Variants in EFHB observed in about 807,000 individuals in gnomAD.
EFHB encodes EF-hand domain family member B.
EFHB carries 91 observed loss-of-function variants against 87.2 expected under a neutral mutation model. The observed-to-expected ratio is 1.04, with a 90% CI of 0.88 to 1.24. The LOEUF (loss-of-function observed/expected upper bound fraction) is 1.24, where lower values mean the gene tolerates loss of function less well. EFHB is among the 50% of genes most tolerant of loss of function. EFHB has a pLI of 0.00. For missense variants in EFHB, 1,084 were observed against 998.8 expected (o/e 1.09, Z -1.15); for synonymous variants, 325 against 333.6 (o/e 0.97, Z 0.28).
chr3:19,884,140 GT>G (rs1255208280), intron 11 of EFHB, among the ~76,000 whole-genome samples: 49 of 152,150 alleles, frequency 3.2e-4, no homozygotes, highest in Non-Finnish European at 5.6e-4. Context: ...TTACTACAAT[GT>G]ATAACATTCA....
At chr3:19,908,562 AAGAGAGAGAG>A (rs71624361) in intron 5 of EFHB, among the ~76,000 whole-genome samples, 1,421 of 83,766 alleles carry the variant, frequency 0.017, 21 homozygotes, top group Non-Finnish European at 0.019. Context: ...GAAAGAGAGA[AAGAGAGAGAG>A]AGAGAGAGAG....
intron 1 of EFHB, among the ~76,000 whole-genome samples, chr3:19,926,339 T>TC (rs1695623861): frequency 4.1e-5 from 1 of 24,650 alleles, no homozygotes; most frequent in Non-Finnish European, 1.1e-4. Context: ...TTTTTGGGGT[T>TC]TTTTTTGTTT....
intron 4 of EFHB, 36 bp downstream of exon 4, chr3:19,918,196 C>A: frequency 6.6e-7 from 1 of 1,512,574 alleles, no homozygotes. Context: ...CTTATTTTAC[C>A]AGCCCCTTCC....
chr3:19,886,676 CAAAAAAAA>C (rs4020648), intron 10 of EFHB, among the ~76,000 whole-genome samples: 2 of 61,230 alleles, frequency 3.3e-5, no homozygotes, highest in Non-Finnish European at 5.7e-5. Flanking sequence ...GACACTGTCT[CAAAAAAAA>C]AAAAAAAAAA....
intron 2 of EFHB, 137 bp from the exon 3 acceptor site, chr3:19,920,113 G>A: frequency 1.2e-6 from 1 of 864,728 alleles, no homozygotes; most frequent in Non-Finnish European, 1.7e-6. Context: ...CCCAAATAAT[G>A]AACATCCCCC....
Position 19,934,206 on chromosome 3 carries a change from A to G in EFHB, c.-188T>C, listed in dbSNP as rs1312561340. The G allele has an allele frequency of 1.7e-5, 24 of 1,437,538 alleles. No individual in the cohort carries two copies. Among genetic ancestry groups the G allele is most frequent in the Non-Finnish European group, 2.2e-5 (24 of 1,103,594 alleles). The allele number at this position is 1,437,538 out of a possible 1,614,324, so 89.0% of individuals were successfully genotyped here. A position where few individuals can be genotyped will look rare whatever the true frequency, so the allele number is the denominator to read the frequency against. ...ACACCTAGCCGAGTTCACAGAGGAA[A>G]AGATGGAGTCTGTTTATCAGGTTAC... On this transcript the variant is annotated 5_prime_UTR_variant, in exon 1 of 13. Coordinates refer to ENST00000295824, the MANE Select transcript of EFHB (RefSeq NM_144715.4).
At chr3:19,890,344 C>T (rs1028118221) in intron 9 of EFHB, among the ~76,000 whole-genome samples, 2 of 152,146 alleles carry the variant, frequency 1.3e-5, no homozygotes, top group African/African-American at 4.8e-5. Flanking sequence ...GGCTCCAGGT[C>T]TTCAAGAGGG....
rs957246746 is a variant in EFHB at position 19,902,952 on chromosome 3, G to A, written c.1418+2668C>T. On this transcript the variant is annotated intron_variant, in intron 6 of 12. Transcript: ENST00000295824. ...AGCACTTTGGGAGGCTGAGGCGGGC[G>A]GATCACCTGAGGTCATGAGTTCAAG... 7.2e-5 allele frequency among the ~76,000 whole-genome samples: 11 copies of A among 151,904 alleles called. No individual in the cohort carries two copies. The South Asian group carries it at 1.0e-3, about 14-fold the overall frequency.
At chr3:19,935,538 C>G (rs1695991839), upstream of EFHB, among the ~76,000 whole-genome samples, 1 of 151,732 alleles carries the variant, frequency 6.6e-6, no homozygotes, top group Non-Finnish European at 1.5e-5. Flanking sequence ...ATCGCGAAAC[C>G]CTGTCTCTAC....
At chr3:19,912,430 C>T (rs926111616) in intron 5 of EFHB, among the ~76,000 whole-genome samples, 18 of 152,012 alleles carry the variant, frequency 1.2e-4, no homozygotes, top group African/African-American at 4.1e-4. Flanking sequence ...TCATAAATAC[C>T]AGACCTGTCC....
At chr3:19,929,764 CT>C (rs1182974533) in intron 1 of EFHB, among the ~76,000 whole-genome samples, 3 of 144,292 alleles carry the variant, frequency 2.1e-5, no homozygotes. Context: ...ATTAAAAGAT[CT>C]TTTTGAAGTC....
At chr3:19,901,186 A>G (rs1694658193) in intron 6 of EFHB, among the ~76,000 whole-genome samples, 1 of 152,176 alleles carries the variant, frequency 6.6e-6, no homozygotes, top group African/African-American at 2.4e-5. Flanking sequence ...ATAGGGAGCC[A>G]CACTAGGAAA....
chr3:19,885,248 A>G (rs1694059293), intron 10 of EFHB, among the ~76,000 whole-genome samples: 1 of 152,084 alleles, frequency 6.6e-6, no homozygotes, highest in Admixed American at 6.6e-5. Flanking sequence ...GCGTATTTTA[A>G]TATTTAACTT....
chr3:19,927,941 T>C (rs1428953772), intron 1 of EFHB, among the ~76,000 whole-genome samples: 1 of 148,708 alleles, frequency 6.7e-6, no homozygotes, highest in Non-Finnish European at 1.5e-5. Flanking sequence ...TACTATAGTA[T>C]ATATATAGTA....
chr3:19,915,187 A>G, intron 5 of EFHB, 116 bp downstream of exon 5: 1 of 637,968 alleles, frequency 1.6e-6, no homozygotes, highest in Non-Finnish European at 2.8e-6. Context: ...ATAATATTGT[A>G]TTAGTTACCT....
At chr3:19,891,465 C>T (rs1023132019) in intron 9 of EFHB, among the ~76,000 whole-genome samples, 3 of 152,130 alleles carry the variant, frequency 2.0e-5, no homozygotes, top group Non-Finnish European at 4.4e-5. Context: ...AATGCCTGGG[C>T]CTGTTTCACT....
chr3:19,884,756 A>T (rs909409970), intron 10 of EFHB, 141 bp from the exon 11 acceptor site: 2 of 723,034 alleles, frequency 2.8e-6, no homozygotes, highest in African/African-American at 3.6e-5. Flanking sequence ...CTGACCCAAC[A>T]CCCAACTGTG....
rs774205612 is a variant in EFHB at position 19,905,704 on chromosome 3, C to T, written c.1334G>A (p.Cys445Tyr). ...TGGTGTTGGTACTCCATACACACTA[C>T]ACCTATGGAAACTTGATGGGTTATA... Reference protein sequence around the residue: ...RKYNPSSFHRCSVYGVPTPHF... With the variant: ...RKYNPSSFHRYSVYGVPTPHF... The change falls in exon 6 of 13, where the codon TGT becomes TAT. Residue 445 changes from cysteine to tyrosine, a missense_variant. Cys to Tyr is a radical substitution (Grantham distance 194, BLOSUM62 -2). Transcript: ENST00000295824. 16 of 1,613,456 alleles carry T rather than the reference C, an allele frequency of 9.9e-6. No homozygotes were observed. Among genetic ancestry groups the T allele is most frequent in the Admixed American group, 1.7e-5 (1 of 59,988 alleles).
chr3:19,918,209 C>A (rs1339834465), intron 4 of EFHB, 23 bp downstream of exon 4: 1 of 1,542,096 alleles, frequency 6.5e-7, no homozygotes, highest in South Asian at 1.3e-5. Context: ...CCCCTTCCCA[C>A]CCCTTATTTT....
Sources: allele counts gnomAD v4.1 joint callset (sites outside exome capture counted in the v4.1 genomes callset), GRCh38; gene constraint gnomAD v4.1.1; transcripts MANE v1.5; gene names NCBI Gene and HGNC (gene_info 2026-07-23, HGNC 2026-07-21).